Variants in TIFA observed in about 807,000 individuals in gnomAD.
TIFA encodes the protein TRAF interacting protein with forkhead associated domain, also known as TRAF-interacting protein with FHA domain-containing protein A.
For synonymous variants in TIFA, 75 were observed against 79.2 expected (o/e 0.95, Z 0.28); for missense variants, 186 against 215.2 (o/e 0.86, Z 0.85).
In TIFA at chr4:112,275,859, A is replaced by G. The variant is rs1727101465; in HGVS notation, c.*2003T>C. On this transcript the variant is annotated 3_prime_UTR_variant, in exon 2 of 2. Coordinates refer to ENST00000361717, the MANE Select transcript of TIFA (RefSeq NM_052864.3). ...GTGAAAGTCTTCCAAAATAGTCAAA[A>G]TGTGACAGTATACACACATTAAAGT... 6.6e-6 allele frequency: 1 copy of G among 152,194 alleles called. No individual in the cohort carries two copies. The highest frequency in any genetic ancestry group is 6.5e-5 in the Admixed American group (1 of 15,284). 9.4% of individuals were successfully genotyped at this position (152,194 alleles called of 1,614,324 possible).
intron 1 of TIFA, among the ~76,000 whole-genome samples, chr4:112,279,676 C>CT (rs61156596): frequency 4.4e-4 from 65 of 146,630 alleles, no homozygotes; most frequent in South Asian, 8.5e-4. Flanking sequence ...CTTTGTTCCT[C>CT]TTTTTTTTTT....
chr4:112,283,385 T>G (rs1032999615), intron 1 of TIFA, among the ~76,000 whole-genome samples: 3 of 152,134 alleles, frequency 2.0e-5, no homozygotes, highest in African/African-American at 7.2e-5. Context: ...CCTGGGTGTA[T>G]AAATGTTAGC....
Position 112,274,592 on chromosome 4 carries a change from A to C in TIFA, c.*3270T>G, listed in dbSNP as rs1477313749. On this transcript the variant is annotated 3_prime_UTR_variant, in exon 2 of 2. Transcript: ENST00000361717. ...CAAGTGTTAGAGAATTGGAAACATA[A>C]AAAGAGCCAGGAGGTAACATAAAAC... 2 of 152,216 alleles carry C rather than the reference A, an allele frequency of 1.3e-5. No homozygotes were observed. The highest frequency in any genetic ancestry group is 2.9e-5 in the Non-Finnish European group (2 of 68,046). The allele number at this position is 152,216 out of a possible 1,614,324, so 9.4% of individuals were successfully genotyped here.
intron 1 of TIFA, among the ~76,000 whole-genome samples, chr4:112,279,728 G>A (rs1253372951): frequency 1.3e-5 from 2 of 150,936 alleles, no homozygotes; most frequent in African/African-American, 2.4e-5. Flanking sequence ...GTGCAATGGC[G>A]CAATCTCAGC....
chr4:112,278,662 T>C (rs1727169140), intron 1 of TIFA, among the ~76,000 whole-genome samples: 1 of 152,216 alleles, frequency 6.6e-6, no homozygotes, highest in African/African-American at 2.4e-5. Context: ...AGTTTGACTA[T>C]AACACCATAC....
rs1318393967 is a variant in TIFA, at chr4:112,275,688, G to T, written c.*2174C>A. ...ACCCTTTCCAAGATTTACATTAGGA[G>T]AAATCATTATTCTGTACAAGATTTT... On this transcript the variant is annotated 3_prime_UTR_variant, in exon 2 of 2. Coordinates refer to ENST00000361717, the MANE Select transcript of TIFA (RefSeq NM_052864.3). The T allele has an allele frequency of 6.6e-6, 1 of 152,108 alleles. No homozygotes were observed. The highest frequency in any genetic ancestry group is 1.5e-5 in the Non-Finnish European group (1 of 68,004). 9.4% of individuals were successfully genotyped at this position (152,108 alleles called of 1,614,324 possible).
In TIFA at chr4:112,277,852, C is replaced by G; in HGVS notation, c.*10G>C. On this transcript the variant is annotated 3_prime_UTR_variant, in exon 2 of 2. Coordinates refer to ENST00000361717, the MANE Select transcript of TIFA (RefSeq NM_052864.3). ...CATCCATCATATTTCTCCTCTTAGA[C>G]TTTCTGTGTTCATGACTCATTTTCA... 1 of 1,576,484 alleles carries G rather than the reference C, an allele frequency of 6.3e-7. No individual in the cohort carries two copies. Among genetic ancestry groups the G allele is most frequent in the African/African-American group, 1.4e-5 (1 of 73,432 alleles).
Position 112,276,089 on chromosome 4 carries a change from C to A in TIFA, c.*1773G>T, listed in dbSNP as rs1727107175. ...TTACTGTGATTTAGTGGCTTACGAC[C>A]AACACAAATTTATCATCATAAAGTT... On this transcript the variant is annotated 3_prime_UTR_variant, in exon 2 of 2. Coordinates refer to ENST00000361717, the MANE Select transcript of TIFA (RefSeq NM_052864.3). 1 of 152,204 alleles carries A rather than the reference C, an allele frequency of 6.6e-6. No individual in the cohort carries two copies. The highest frequency in any genetic ancestry group is 1.5e-5 in the Non-Finnish European group (1 of 68,030). The allele number at this position is 152,204 out of a possible 1,614,324, so 9.4% of individuals were successfully genotyped here.
intron 1 of TIFA, among the ~76,000 whole-genome samples, chr4:112,283,723 T>C (rs764475174): frequency 2.0e-5 from 3 of 152,244 alleles, no homozygotes; most frequent in Non-Finnish European, 4.4e-5. Flanking sequence ...TAACAATGGT[T>C]ACCTCTGGAG....
In TIFA at chr4:112,275,124, GTATC is replaced by G. The variant is rs1243320397; in HGVS notation, c.*2734_*2737del. 1.3e-5 allele frequency: 2 copies of G among 151,262 alleles called. No individual in the cohort carries two copies. The highest frequency in any genetic ancestry group is 2.4e-5 in the African/African-American group (1 of 41,124). 9.4% of individuals were successfully genotyped at this position (151,262 alleles called of 1,614,324 possible). A position where few individuals can be genotyped will look rare whatever the true frequency, so the allele number is the denominator to read the frequency against. The stretch of plus-strand genomic sequence containing the variant: ...GTGACCATTTTTTTGAGAAAATGCT[GTATC>G]TATCCACATGATCACTGACCAGAGC... On this transcript the variant is annotated 3_prime_UTR_variant, in exon 2 of 2. Transcript: ENST00000361717.
chr4:112,285,391 C>T (rs1238608550), intron 1 of TIFA: 3 of 152,340 alleles, frequency 2.0e-5, no homozygotes, highest in East Asian at 1.9e-4. Context: ...AGAGAAAACA[C>T]ACCCCCATCT....
chr4:112,278,538 G>T, intron 1 of TIFA, 104 bp from the exon 2 acceptor site: 3 of 892,970 alleles, frequency 3.4e-6, no homozygotes, highest in Non-Finnish European at 4.9e-6. Context: ...AATTTATCTG[G>T]ACTTTAAGAA....
At chr4:112,279,338 T>C (rs1278361617) in intron 1 of TIFA, among the ~76,000 whole-genome samples, 1 of 152,236 alleles carries the variant, frequency 6.6e-6, no homozygotes, top group African/African-American at 2.4e-5. Flanking sequence ...AAATAGCTAC[T>C]AAAATTTTTG....
At chr4:112,284,306 C>G (rs1168696996) in intron 1 of TIFA, among the ~76,000 whole-genome samples, 1 of 152,038 alleles carries the variant, frequency 6.6e-6, no homozygotes, top group Non-Finnish European at 1.5e-5. Context: ...CACACACACA[C>G]ACACACACGT....
chr4:112,282,285 C>A (rs1183807116), intron 1 of TIFA, among the ~76,000 whole-genome samples: 1 of 152,128 alleles, frequency 6.6e-6, no homozygotes, highest in African/African-American at 2.4e-5. Context: ...ATAAATTACC[C>A]GGTCTCAGGT....
chr4:112,278,110 GCT>G lies in TIFA; in HGVS notation c.305_306del (p.Glu102AlafsTer6), dbSNP rs1398533133. On this transcript the variant is annotated frameshift_variant, in exon 2 of 2. Coordinates refer to ENST00000361717, the MANE Select transcript of TIFA (RefSeq NM_052864.3). LOFTEE classifies it low-confidence loss of function (END_TRUNC). Reference sequence around the variant, plus strand: ...AGGTCCATTTTATTTAGGTAGCCCAGCTCTCTGCTGTCCACGATCAGATTGGT... The same window carrying G: ...AGGTCCATTTTATTTAGGTAGCCCAGCTCTGCTGTCCACGATCAGATTGGT... ...KKTNLIVDSR[E>X]LGYLNKMDLP... 6.2e-7 allele frequency: 1 copy of G among 1,613,946 alleles called. No individual in the cohort carries two copies. The highest frequency in any genetic ancestry group is 1.3e-5 in the African/African-American group (1 of 75,006).
chr4:112,284,307 AC>A (rs1391435078), intron 1 of TIFA, among the ~76,000 whole-genome samples: 75 of 151,934 alleles, frequency 4.9e-4, no homozygotes, highest in African/African-American at 1.7e-3. Context: ...ACACACACAC[AC>A]ACACACGTAC....
intron 1 of TIFA, among the ~76,000 whole-genome samples, chr4:112,283,537 C>T (rs1221481175): frequency 6.6e-6 from 1 of 152,150 alleles, no homozygotes; most frequent in Admixed American, 6.5e-5. Flanking sequence ...AACACTCTGA[C>T]ATTTCAGAGT....
intron 1 of TIFA, among the ~76,000 whole-genome samples, chr4:112,285,209 G>A (rs1727299038): frequency 6.6e-6 from 1 of 152,080 alleles, no homozygotes; most frequent in Admixed American, 6.5e-5. Flanking sequence ...CGGCACTCCA[G>A]GGAGCCCAGG....
Sources: gnomAD v4.1 joint callset for allele counts (sites outside exome capture counted in the v4.1 genomes callset) on GRCh38, gnomAD v4.1.1 for gene constraint, MANE v1.5 for transcripts, NCBI Gene and HGNC (gene_info 2026-07-23, HGNC 2026-07-21) for gene names.